Variants in SFMBT2 observed in about 807,000 individuals in gnomAD.
SFMBT2 encodes the protein scm-like with four MBT domains protein 2.
A neutral mutation model predicts 110.1 loss-of-function variants in SFMBT2; 38 were observed. The observed-to-expected ratio is 0.35, with a 90% confidence interval of 0.27 to 0.45. The LOEUF (loss-of-function observed/expected upper bound fraction) is 0.45, where lower values mean the gene tolerates loss of function less well. Among genes scored for constraint, SFMBT2 ranks in the 20% least tolerant of loss-of-function variants. SFMBT2 has a pLI of 1.00. For synonymous variants in SFMBT2, 425 were observed against 425.4 expected, an observed-to-expected ratio of 1.00 and a Z score of 0.01; for missense variants, 1,011 against 1,094.9, an observed-to-expected ratio of 0.92 and a Z score of 1.08.
intron 4 of SFMBT2, among the ~76,000 whole-genome samples, chr10:7,365,322 G>A (rs1244735735): frequency 2.0e-5 from 3 of 152,244 alleles, no homozygotes; most frequent in Non-Finnish European, 2.9e-5. Context: ...GAGAGCGCAC[G>A]TGCTTCCTCC....
At chr10:7,373,204 T>C (rs957809729) in intron 2 of SFMBT2, among the ~76,000 whole-genome samples, 3 of 152,132 alleles carry the variant, frequency 2.0e-5, no homozygotes, top group African/African-American at 7.2e-5. Flanking sequence ...GAGTGGGTTG[T>C]TAAGACCCTG....
Position 7,171,750 on chromosome 10 carries a change from T to C in SFMBT2, c.2415+145A>G. On this transcript the variant is annotated intron_variant, in intron 19 of 20. Transcript: ENST00000397167. The surrounding 1 kb of genome is among the most constrained non-coding windows in gnomAD (Gnocchi z 4.9). ...CACCCAGAGGTGAAGTGCCAGCCTT[T>C]GTTCCTGACTTGGGAACTAGCTAGA... is the stretch of plus-strand genomic sequence containing the variant. 9.9e-7 allele frequency: 1 copy of C among 1,014,718 alleles called. No individual in the cohort carries two copies. The highest frequency in any genetic ancestry group is 1.3e-6 in the Non-Finnish European group (1 of 772,580). The allele number at this position is 1,014,718 out of a possible 1,614,324, so 62.9% of individuals were successfully genotyped here. A position where few individuals can be genotyped will look rare whatever the true frequency, so the allele number is the denominator to read the frequency against.
At chr10:7,265,443 C>T (rs1425444607) in intron 7 of SFMBT2, among the ~76,000 whole-genome samples, 2 of 152,140 alleles carry the variant, frequency 1.3e-5, no homozygotes, top group Non-Finnish European at 2.9e-5. Flanking sequence ...TTCATGCAAT[C>T]CTCCCGCCTG....
In SFMBT2 at chr10:7,354,074, G is replaced by A. The variant is rs151296350; in HGVS notation, c.436+13575C>T. The stretch of plus-strand genomic sequence containing the variant: ...TGCACTCCAGCCTGGGTGACAGAGC[G>A]AGACTCCCTCTCCAAAAAAAAAAAA... On this transcript the variant is annotated intron_variant, in intron 4 of 20. Coordinates refer to ENST00000397167, the MANE Select transcript of SFMBT2 (RefSeq NM_001387889.1). Among the ~76,000 whole-genome samples, 880 of 147,192 alleles carry A rather than the reference G, an allele frequency of 6.0e-3. 13 individuals carry two copies. The highest frequency in any genetic ancestry group is 0.021 in the African/African-American group (819 of 39,246).
chr10:7,245,809 G>A (rs12256404), intron 8 of SFMBT2, among the ~76,000 whole-genome samples: 10,727 of 152,178 alleles, frequency 0.07, 896 homozygotes, highest in African/African-American at 0.2. Context: ...ACGTCTGTCT[G>A]CATCCTTGTC....
At chr10:7,360,917 T>C (rs1353082922) in intron 4 of SFMBT2, among the ~76,000 whole-genome samples, 2 of 152,250 alleles carry the variant, frequency 1.3e-5, no homozygotes, top group African/African-American at 4.8e-5. Context: ...TCATCAAAAA[T>C]GGCTTTTTGA....
intron 6 of SFMBT2, among the ~76,000 whole-genome samples, chr10:7,279,290 C>T (rs1315255783): frequency 6.6e-6 from 1 of 152,154 alleles, no homozygotes; most frequent in Non-Finnish European, 1.5e-5. Context: ...TGCCATCTCT[C>T]CTCCTCCACA....
intron 6 of SFMBT2, among the ~76,000 whole-genome samples, chr10:7,283,051 AG>A (rs35256444): frequency 5.9e-5 from 9 of 152,212 alleles, no homozygotes; most frequent in Admixed American, 5.2e-4. Flanking sequence ...CCCTTAAAAC[AG>A]GGGACCTTGG....
At chr10:7,355,563 A>C (rs1308778995) in intron 4 of SFMBT2, among the ~76,000 whole-genome samples, 2 of 152,226 alleles carry the variant, frequency 1.3e-5, no homozygotes, top group Admixed American at 6.5e-5. Flanking sequence ...CTGTAACCCC[A>C]GCCCTTTGGG....
chr10:7,187,221 T>A (rs375347067), intron 16 of SFMBT2, among the ~76,000 whole-genome samples: 17 of 152,210 alleles, frequency 1.1e-4, no homozygotes, highest in African/African-American at 4.1e-4. Flanking sequence ...CCATTAGGTG[T>A]ACGTGGACTG....
chr10:7,278,402 G>C (rs1431346248), intron 6 of SFMBT2, among the ~76,000 whole-genome samples: 2 of 152,290 alleles, frequency 1.3e-5, no homozygotes, highest in East Asian at 3.9e-4. Context: ...TGTGCACTCA[G>C]GCAAGCTCGT....
At chr10:7,360,266 G>A (rs751596780) in intron 4 of SFMBT2, among the ~76,000 whole-genome samples, 11 of 152,114 alleles carry the variant, frequency 7.2e-5, no homozygotes, top group Non-Finnish European at 1.3e-4. Context: ...TCAGGAATTC[G>A]AGACTAGCCT....
intron 20 of SFMBT2, among the ~76,000 whole-genome samples, chr10:7,168,613 T>C (rs558358447): frequency 1.3e-5 from 2 of 152,338 alleles, no homozygotes; most frequent in South Asian, 4.1e-4. Flanking sequence ...CGTATTTGAA[T>C]ACAACGCTTA....
At chr10:7,315,104 G>GAAAGAAAGAA (rs1554802927) in intron 4 of SFMBT2, among the ~76,000 whole-genome samples, 1 of 142,902 alleles carries the variant, frequency 7.0e-6, no homozygotes, top group Non-Finnish European at 1.6e-5. Context: ...AAGAAAGAAA[G>GAAAGAAAGAA]AAAGAAAAAG....
intron 11 of SFMBT2, among the ~76,000 whole-genome samples, chr10:7,216,974 G>C (rs1251825711): frequency 6.6e-6 from 1 of 152,180 alleles, no homozygotes; most frequent in Non-Finnish European, 1.5e-5. Flanking sequence ...GCCAATAGGT[G>C]GCCAGGTCTA....
chr10:7,335,582 A>ACACAC (rs1843695895), intron 4 of SFMBT2, among the ~76,000 whole-genome samples: 1 of 142,884 alleles, frequency 7.0e-6, no homozygotes, highest in Admixed American at 7.0e-5. Flanking sequence ...CAGAAACAGA[A>ACACAC]ACACACACAC....
rs59480162 is a variant in SFMBT2 at position 7,249,631 on chromosome 10, C to T, written c.871-982G>A. On this transcript the variant is annotated intron_variant, in intron 7 of 20. Transcript: ENST00000397167. ...TAAAGTGGGTTTTTAATTACTCCAA[C>T]GACGCCACTCTATATCCAACTCTGA... 3,976 of 789,512 alleles carry T rather than the reference C, an allele frequency of 5.0e-3. 100 individuals are homozygous for T. In the African/African-American group the frequency reaches 0.063, roughly 12 times the overall value. The allele number at this position is 789,512 out of a possible 1,614,324, so 48.9% of individuals were successfully genotyped here. A position where few individuals can be genotyped will look rare whatever the true frequency, so the allele number is the denominator to read the frequency against.
intron 1 of SFMBT2, among the ~76,000 whole-genome samples, chr10:7,409,708 G>A (rs1051327012): frequency 2.6e-5 from 4 of 151,814 alleles, no homozygotes; most frequent in Admixed American, 2.0e-4. Context: ...AGCGCTTCCT[G>A]GGGTAGCCAA....
intron 2 of SFMBT2, among the ~76,000 whole-genome samples, chr10:7,374,466 A>T (rs1175349950): frequency 6.6e-6 from 1 of 152,186 alleles, no homozygotes. Context: ...GCAGTTCTTT[A>T]TTCTCCATAC....
Sources: gnomAD v4.1 joint callset for allele counts (sites outside exome capture counted in the v4.1 genomes callset) on GRCh38, gnomAD v4.1.1 for gene constraint, Gnocchi (gnomAD v3.1) non-coding constraint, MANE v1.5 for transcripts, NCBI Gene and HGNC (gene_info 2026-07-23, HGNC 2026-07-21) for gene names.